PKIB: variants seen among roughly 807,000 people sequenced by gnomAD.
PKIB encodes PKI-beta.
In PKIB, 2 loss-of-function variants were observed where a neutral mutation model predicts 4.5. That is an observed-to-expected ratio of 0.44 (90% confidence interval 0.18 to 1.39). The LOEUF is 1.39. PKIB is among the 40% of genes most tolerant of loss of function. The probability of loss-of-function intolerance (pLI) is 0.27; values close to 1 mark genes in which losing one functional copy is unlikely to be tolerated. For missense variants in PKIB, 94 were observed against 92.6 expected (o/e 1.02, Z -0.06); for synonymous variants, 38 against 36.0 (o/e 1.06, Z -0.20).
intron 2 of PKIB, among the ~76,000 whole-genome samples, chr6:122,507,388 A>G (rs1487452284): frequency 6.6e-6 from 1 of 152,210 alleles, no homozygotes; most frequent in Non-Finnish European, 1.5e-5. Flanking sequence ...AAAGGCAGAA[A>G]TGGGACATAT....
chr6:122,592,724 C>T (rs950598535), intron 3 of PKIB, among the ~76,000 whole-genome samples: 1 of 152,126 alleles, frequency 6.6e-6, no homozygotes, highest in African/African-American at 2.4e-5. Flanking sequence ...GTAAAAGAAG[C>T]ACAGTTTATC....
chr6:122,637,616 C>T lies in PKIB; in HGVS notation c.-76+4249C>T, dbSNP rs140303963. Among the ~76,000 whole-genome samples the T allele has an allele frequency of 5.8e-3, 882 of 151,888 alleles. 11 individuals are homozygous for T. Among genetic ancestry groups the T allele is most frequent in the African/African-American group, 0.018 (759 of 41,446 alleles). ...CTAAAAATACAAAAAATTAGCTGGG[C>T]GTGGTGGCAGGTGCCTGTAGTCCCA... On this transcript the variant is annotated intron_variant, in intron 2 of 4. Transcript: ENST00000368452.
At chr6:122,690,934 T>TATATATATA (rs1485299018) in intron 3 of PKIB, among the ~76,000 whole-genome samples, 42 of 119,570 alleles carry the variant, frequency 3.5e-4, no homozygotes, top group African/African-American at 1.3e-3. Context: ...ATATATATAT[T>TATATATATA]TTTTTTTTTT....
intron 2 of PKIB, among the ~76,000 whole-genome samples, chr6:122,553,478 C>CTTT (rs1562249215): frequency 2.0e-5 from 1 of 48,928 alleles, no homozygotes; most frequent in African/African-American, 1.2e-4. Flanking sequence ...GCTCAAATAT[C>CTTT]TTCTTTTTTT....
At chr6:122,724,894 A>G (rs1317565964) in intron 4 of PKIB, among the ~76,000 whole-genome samples, 2 of 152,140 alleles carry the variant, frequency 1.3e-5, no homozygotes, top group Non-Finnish European at 2.9e-5. Context: ...GGAGGCTCTG[A>G]GAATACCCTA....
intron 3 of PKIB, among the ~76,000 whole-genome samples, chr6:122,600,002 T>TCTATATCTATAGCTATAG: frequency 6.6e-6 from 1 of 150,406 alleles, no homozygotes; most frequent in African/African-American, 2.5e-5. Flanking sequence ...TATATCTATA[T>TCTATATCTATAGCTATAG]CTATATCTAT....
At chr6:122,551,874 C>CTTTTTTTTT (rs61025863) in intron 2 of PKIB, among the ~76,000 whole-genome samples, 4 of 87,520 alleles carry the variant, frequency 4.6e-5, no homozygotes, top group African/African-American at 1.7e-4. Flanking sequence ...CTTAGTACAT[C>CTTTTTTTTT]TTTTTTTTTT....
chr6:122,712,535 G>A (rs1253255502), intron 3 of PKIB, among the ~76,000 whole-genome samples: 2 of 152,160 alleles, frequency 1.3e-5, no homozygotes, highest in African/African-American at 4.8e-5. Flanking sequence ...GTGTCAGTCT[G>A]TCCATTTGTC....
intron 2 of PKIB, chr6:122,652,922 T>C (rs1776620712): frequency 6.6e-6 from 1 of 152,312 alleles, no homozygotes; most frequent in African/African-American, 2.4e-5. Context: ...TTTTTGTTCA[T>C]TCTTCAGAAA....
At chr6:122,722,221 T>A (rs531834178) in intron 4 of PKIB, among the ~76,000 whole-genome samples, 23 of 152,262 alleles carry the variant, frequency 1.5e-4, no homozygotes, top group Non-Finnish European at 2.9e-4. Flanking sequence ...AATCATAACC[T>A]CTTGAGCAGA....
chr6:122,695,728 T>A (rs543744205), intron 3 of PKIB, among the ~76,000 whole-genome samples: 19 of 152,236 alleles, frequency 1.2e-4, no homozygotes, highest in Admixed American at 5.9e-4. Context: ...TATAATGAAA[T>A]TTTTTAAAAT....
chr6:122,568,717 C>A (rs1773266777), intron 2 of PKIB, among the ~76,000 whole-genome samples: 1 of 152,208 alleles, frequency 6.6e-6, no homozygotes, highest in Non-Finnish European at 1.5e-5. Context: ...TAGGAACAAA[C>A]TCCCTTGACC....
intron 2 of PKIB, among the ~76,000 whole-genome samples, chr6:122,669,702 AC>A (rs759564188): frequency 1.4e-4 from 21 of 152,152 alleles, no homozygotes; most frequent in East Asian, 9.7e-4. Context: ...TCTGAACTCC[AC>A]CCATCTCCCT....
chr6:122,658,540 T>G (rs1776860159), intron 2 of PKIB, among the ~76,000 whole-genome samples: 1 of 152,128 alleles, frequency 6.6e-6, no homozygotes. Context: ...TTATTTTTTG[T>G]ATTCTAAAGC....
chr6:122,701,242 C>T (rs776880014), intron 3 of PKIB: 24 of 488,356 alleles, frequency 4.9e-5, no homozygotes, highest in Non-Finnish European at 8.1e-5. Context: ...CACTTTCCTT[C>T]CCACAAACCT....
At chr6:122,648,382 A>AT (rs1776408684) in intron 2 of PKIB, among the ~76,000 whole-genome samples, 1 of 152,200 alleles carries the variant, frequency 6.6e-6, no homozygotes, top group Non-Finnish European at 1.5e-5. Context: ...TATTGAGCAC[A>AT]TACATATTTA....
rs548109515 is a variant in PKIB at position 122,599,025 on chromosome 6, C to T, written c.-161+13018C>T. 2.0e-4 allele frequency among the ~76,000 whole-genome samples: 31 copies of T among 152,306 alleles called. 1 individual carries two copies. The South Asian group carries it at 6.2e-3, about 31-fold the overall frequency. ...GTGTAGTGCACCTCCTCATGGGTCA[C>T]ATTCTCAACCTCACCTCTAGGGTCC... On this transcript the variant is annotated intron_variant, in intron 3 of 6. Transcript: ENST00000392491.
intron 3 of PKIB, chr6:122,701,426 C>T: frequency 1.9e-6 from 3 of 1,562,010 alleles, no homozygotes; most frequent in Non-Finnish European, 2.6e-6. Context: ...ACTGTTTTCT[C>T]ATTGCATTTA....
At chr6:122,489,063 T>C (rs919267967) in intron 2 of PKIB, among the ~76,000 whole-genome samples, 5 of 152,136 alleles carry the variant, frequency 3.3e-5, no homozygotes, top group African/African-American at 1.2e-4. Flanking sequence ...ACCCAGAAAG[T>C]TGCCTTCTAG....
Sources: gnomAD v4.1 joint callset for allele counts (sites outside exome capture counted in the v4.1 genomes callset) on GRCh38, gnomAD v4.1.1 for gene constraint, MANE v1.5 for transcripts, NCBI Gene and HGNC (gene_info 2026-07-23, HGNC 2026-07-21) for gene names.